Variants in CELF4 observed in about 807,000 individuals in gnomAD.
The protein encoded by CELF4 is CUGBP Elav-like family member 4.
In CELF4, 18 loss-of-function variants were observed where a neutral mutation model predicts 59.9. The observed-to-expected ratio is 0.30, with a 90% CI of 0.21 to 0.45. The LOEUF (loss-of-function observed/expected upper bound fraction) is 0.45, where lower values mean the gene tolerates loss of function less well. CELF4 is among the 20% of genes least tolerant of loss of function. The pLI, the probability that CELF4 is intolerant of heterozygous loss-of-function variation, is 1.00. For missense variants in CELF4, 456 were observed against 689.0 expected, an observed-to-expected ratio of 0.66 and a Z score of 3.79; for synonymous variants, 261 against 267.1, an observed-to-expected ratio of 0.98 and a Z score of 0.22.
chr18:37,539,158 T>C (rs1402485265), intron 1 of CELF4, among the ~76,000 whole-genome samples: 2 of 152,246 alleles, frequency 1.3e-5, no homozygotes, highest in Non-Finnish European at 2.9e-5. Context: ...CAGTAACAGC[T>C]AATGTTTATT....
chr18:37,358,823 C>T (rs1467475045), intron 2 of CELF4, among the ~76,000 whole-genome samples: 1 of 86 alleles, frequency 0.012, no homozygotes, highest in Non-Finnish European at 0.025. Context: ...TGTCAAGAGG[C>T]TGGGCATGGG....
chr18:37,433,719 G>T (rs994182934), intron 2 of CELF4, among the ~76,000 whole-genome samples: 10 of 152,176 alleles, frequency 6.6e-5, no homozygotes, highest in African/African-American at 2.2e-4. Flanking sequence ...CGGGGAGAAG[G>T]TTCTGAGAGT....
chr18:37,270,724 A>G, intron 8 of CELF4, 44 bp downstream of exon 8: 2 of 1,611,218 alleles, frequency 1.2e-6, no homozygotes, highest in Non-Finnish European at 1.7e-6. Flanking sequence ...GCATGGATAA[A>G]GAATGTGCTG....
At chr18:37,384,859 G>GC (rs2099081499) in intron 2 of CELF4, among the ~76,000 whole-genome samples, 1 of 152,162 alleles carries the variant, frequency 6.6e-6, no homozygotes, top group Non-Finnish European at 1.5e-5. Flanking sequence ...CAGTGAGGTG[G>GC]CCAGTCCTGC....
intron 2 of CELF4, among the ~76,000 whole-genome samples, chr18:37,471,551 A>G (rs1320111140): frequency 6.6e-6 from 1 of 151,956 alleles, no homozygotes; most frequent in Non-Finnish European, 1.5e-5. Flanking sequence ...AGCCCCCTCC[A>G]TCCACCTAGA....
intron 1 of CELF4, among the ~76,000 whole-genome samples, chr18:37,488,483 T>C (rs2099887003): frequency 6.6e-6 from 1 of 152,130 alleles, no homozygotes. Flanking sequence ...GCTCAGAGGC[T>C]ATTGAGAGCT....
chr18:37,254,016 A>G lies in CELF4; in HGVS notation c.1334-78T>C, dbSNP rs994241298. ...GCTGCCGGCGGGGAGGGGTCGGGGGACAGGGGGGCGGGGCGGGCCTGAGGC... is the reference window on the plus strand; with the variant it reads ...GCTGCCGGCGGGGAGGGGTCGGGGGGCAGGGGGGCGGGGCGGGCCTGAGGC... On this transcript the variant is annotated intron_variant, in intron 11 of 12. Coordinates refer to ENST00000420428, the MANE Select transcript of CELF4 (RefSeq NM_020180.4). This position sits in a 1 kb window ranked among gnomAD's most constrained non-coding sequence, Gnocchi z 5.1. 1 of 391,242 alleles carries G rather than the reference A, an allele frequency of 2.6e-6. No individual in the cohort carries two copies. The highest frequency in any genetic ancestry group is 4.5e-6 in the Non-Finnish European group (1 of 221,804). The allele number at this position is 391,242 out of a possible 1,614,324, so 24.2% of individuals were successfully genotyped here. A position where few individuals can be genotyped will look rare whatever the true frequency, so the allele number is the denominator to read the frequency against.
intron 3 of CELF4, among the ~76,000 whole-genome samples, chr18:37,292,188 A>G (rs973304265): frequency 1.3e-5 from 2 of 152,168 alleles, no homozygotes; most frequent in Non-Finnish European, 2.9e-5. Flanking sequence ...TATTGTTGAT[A>G]AGCTACCTGG....
chr18:37,527,202 A>G (rs1246315507), intron 1 of CELF4, among the ~76,000 whole-genome samples: 2 of 151,906 alleles, frequency 1.3e-5, no homozygotes, highest in Non-Finnish European at 2.9e-5. Context: ...AGCCCACCAG[A>G]AGCCAAAAAT....
At chr18:37,312,332 T>C (rs966237694) in intron 3 of CELF4, among the ~76,000 whole-genome samples, 1 of 152,084 alleles carries the variant, frequency 6.6e-6, no homozygotes, top group African/African-American at 2.4e-5. Flanking sequence ...CAGTTGCTAA[T>C]CTGGCCAGTT....
intron 10 of CELF4, among the ~76,000 whole-genome samples, chr18:37,263,407 G>A (rs576078107): frequency 6.6e-6 from 1 of 152,262 alleles, no homozygotes; most frequent in East Asian, 1.9e-4. Context: ...AGGACACTAT[G>A]CTGCAGGGGC....
chr18:37,259,773 C>G (rs1019071862), intron 10 of CELF4, among the ~76,000 whole-genome samples: 9 of 152,194 alleles, frequency 5.9e-5, no homozygotes, highest in African/African-American at 1.9e-4. Flanking sequence ...CCATCCTCCC[C>G]CTGGCCTGCA....
chr18:37,390,553 G>A (rs1269729177), intron 2 of CELF4, among the ~76,000 whole-genome samples: 1 of 152,072 alleles, frequency 6.6e-6, no homozygotes, highest in Non-Finnish European at 1.5e-5. Context: ...GTGATGGTGA[G>A]AGCACCTGTC....
chr18:37,353,038 G>A (rs528030986), intron 2 of CELF4, among the ~76,000 whole-genome samples: 201 of 152,034 alleles, frequency 1.3e-3, no homozygotes, highest in Non-Finnish European at 1.9e-3. Context: ...TGGCTAACAC[G>A]GTGAAACCCT....
intron 2 of CELF4, among the ~76,000 whole-genome samples, chr18:37,395,144 C>T (rs1236565246): frequency 1.3e-5 from 2 of 152,142 alleles, no homozygotes; most frequent in African/African-American, 4.8e-5. Flanking sequence ...CTCGTCTATG[C>T]CATGTTCACT....
At chr18:37,460,379 CCAGGAGGTTG>C (rs2099790230) in intron 2 of CELF4, among the ~76,000 whole-genome samples, 2 of 152,172 alleles carry the variant, frequency 1.3e-5, no homozygotes, top group Admixed American at 1.3e-4. Context: ...TGTTTCTTTT[CCAGGAGGTTG>C]CAGCTGAGGA....
intron 2 of CELF4, among the ~76,000 whole-genome samples, chr18:37,332,737 C>T (rs1374909052): frequency 6.6e-6 from 1 of 152,182 alleles, no homozygotes; most frequent in African/African-American, 2.4e-5. Context: ...GCTTCCAGCG[C>T]GTGGCAGGTA....
chr18:37,346,877 G>C (rs1247517944), intron 2 of CELF4, among the ~76,000 whole-genome samples: 1 of 152,242 alleles, frequency 6.6e-6, no homozygotes, highest in South Asian at 2.1e-4. Context: ...CCATCCCAGG[G>C]TGTCTGTCTT....
intron 2 of CELF4, among the ~76,000 whole-genome samples, chr18:37,325,693 A>G (rs2097286235): frequency 6.6e-6 from 1 of 152,198 alleles, no homozygotes; most frequent in Admixed American, 6.5e-5. Flanking sequence ...CAGCAGGGAC[A>G]TGGAGTCTCA....
Sources: gnomAD v4.1 joint callset for allele counts (sites outside exome capture counted in the v4.1 genomes callset) on GRCh38, gnomAD v4.1.1 for gene constraint, Gnocchi (gnomAD v3.1) non-coding constraint, MANE v1.5 for transcripts, NCBI Gene and HGNC (gene_info 2026-07-23, HGNC 2026-07-21) for gene names.